The following SHOC1 variants were observed in gnomAD, a reference collection of about 807,000 sequenced individuals.
The protein encoded by SHOC1 is shortage in chiasmata 1, also known as protein shortage in chiasmata 1 ortholog.
SHOC1 carries 136 observed loss-of-function variants against 179.2 expected under a neutral mutation model. The ratio of observed to expected loss-of-function variants is 0.76; its 90% CI spans 0.66 to 0.87. The LOEUF is 0.87. SHOC1 is among the 40% of genes least tolerant of loss of function. The pLI, the probability that SHOC1 is intolerant of heterozygous loss-of-function variation, is 0.00. For missense variants in SHOC1, 1,538 were observed against 1,700.8 expected (o/e 0.90, Z 1.68); for synonymous variants, 489 against 586.6 (o/e 0.83, Z 2.41).
chr9:111,722,312 G>A (rs1337580), intron 15 of SHOC1, 97 bp downstream of exon 15: 1,083,023 of 1,126,706 alleles, frequency 0.96, 520,661 homozygotes, highest in East Asian at 1. Flanking sequence ...ACCATCTATG[G>A]CTAATTTCTG....
In SHOC1 at chr9:111,714,480, T is replaced by C. The variant is rs1371944850; in HGVS notation, c.2380A>G (p.Ile794Val). 6.2e-7 allele frequency: 1 copy of C among 1,613,994 alleles called. No homozygotes were observed. Among genetic ancestry groups the C allele is most frequent in the Admixed American group, 1.7e-5 (1 of 60,012 alleles). Residue 794 changes from isoleucine to valine, a missense_variant, in exon 17 of 28, where the codon ATA (isoleucine) becomes GTA (valine). By Grantham distance (29) the Ile-to-Val change is conservative. Coordinates refer to ENST00000682961, the MANE Select transcript of SHOC1 (RefSeq NM_001378211.1). ...NYKIQELQCQ[I>V]LSWMQSQQQI... ...TGTTGACTTTGCATCCAACTTAGTA[T>C]CTGACATTGCAATTCTTGTATCTTG...
At chr9:111,743,935 TC>T in intron 10 of SHOC1, among the ~76,000 whole-genome samples, 1 of 152,346 alleles carries the variant, frequency 6.6e-6, no homozygotes, top group South Asian at 2.1e-4. Context: ...AAAACTTCTT[TC>T]AGTTGTTTCA....
rs754082467 is a variant in SHOC1 at position 111,691,943 on chromosome 9, G to A, written c.4034C>T (p.Pro1345Leu). The change falls in exon 27 of 28, where the codon CCT becomes CTT. Residue 1345 changes from proline (P) to leucine (L), a missense_variant. Transcript: ENST00000682961. Reference sequence around the variant, plus strand: ...TTGAGTGCCCTCTAGTGAAAAGATAGGGTCCGATACATCTTTATTTATGAA... The same window carrying A: ...TTGAGTGCCCTCTAGTGAAAAGATAAGGTCCGATACATCTTTATTTATGAA... ...KGFINKDVSD[P>L]IFSLEGTQSP... 4.3e-6 allele frequency: 7 copies of A among 1,613,718 alleles called. No homozygotes were observed. The African/African-American group carries it at 6.7e-5, about 15-fold the overall frequency.
intron 12 of SHOC1, among the ~76,000 whole-genome samples, chr9:111,734,226 C>T (rs1016814836): frequency 1.9e-5 from 2 of 106,004 alleles, no homozygotes; most frequent in Admixed American, 1.1e-4. Context: ...TTTCCAACTT[C>T]GGAATTATCA....
At chr9:111,713,778 C>G (rs994687744) in intron 17 of SHOC1, among the ~76,000 whole-genome samples, 5 of 152,086 alleles carry the variant, frequency 3.3e-5, no homozygotes, top group Non-Finnish European at 7.4e-5. Context: ...GTTAAAACTT[C>G]ATTAATGCAA....
At chr9:111,738,235 T>A in intron 12 of SHOC1, 45 bp downstream of exon 12, 3 of 1,515,422 alleles carry the variant, frequency 2.0e-6, no homozygotes, top group Non-Finnish European at 2.7e-6. Context: ...CATTTTCACA[T>A]TCTGAAAATG....
chr9:111,740,965 G>A (rs1422066122), intron 11 of SHOC1, among the ~76,000 whole-genome samples: 3 of 152,108 alleles, frequency 2.0e-5, no homozygotes. Flanking sequence ...TCGGCTCACT[G>A]CAACCTCCGC....
chr9:111,710,466 A>T (rs1393369781), intron 18 of SHOC1, among the ~76,000 whole-genome samples: 1 of 152,154 alleles, frequency 6.6e-6, no homozygotes, highest in Non-Finnish European at 1.5e-5. Flanking sequence ...AGTGTGTACT[A>T]CGTATATAGA....
chr9:111,761,370 TG>T (rs979078930), intron 5 of SHOC1, among the ~76,000 whole-genome samples: 6 of 151,780 alleles, frequency 4.0e-5, no homozygotes, highest in African/African-American at 1.5e-4. Context: ...GGCTTGGTGG[TG>T]GGGACCTGTA....
intron 1 of SHOC1, among the ~76,000 whole-genome samples, chr9:111,793,178 G>A (rs1266361479): frequency 4.6e-5 from 7 of 152,208 alleles, no homozygotes; most frequent in East Asian, 3.9e-4. Flanking sequence ...CACCGCGCCC[G>A]GCCTGTCACT....
chr9:111,687,061 C>T (rs1793125569), intron 27 of SHOC1, among the ~76,000 whole-genome samples, 191 bp from the exon 28 acceptor site: 1 of 151,744 alleles, frequency 6.6e-6, no homozygotes, highest in Non-Finnish European at 1.5e-5. Flanking sequence ...ATTCTCCTGC[C>T]TCAGCCTCCC....
At chr9:111,764,138 C>A (rs1835257035) in intron 5 of SHOC1, among the ~76,000 whole-genome samples, 1 of 152,112 alleles carries the variant, frequency 6.6e-6, no homozygotes, top group Non-Finnish European at 1.5e-5. Context: ...GTGAATGATC[C>A]TTTTGTCCAC....
At position 111,714,501 on chromosome 9, in the gene SHOC1, T is replaced by G; in HGVS notation, c.2359A>C (p.Ile787Leu). The G allele has an allele frequency of 6.2e-7, 1 of 1,614,014 alleles. No homozygotes were observed. The highest frequency in any genetic ancestry group is 8.5e-7 in the Non-Finnish European group (1 of 1,179,944). ...RGKKPETNYKIQELQCQILSW... is the reference protein window; with the variant it reads ...RGKKPETNYKLQELQCQILSW... The stretch of plus-strand genomic sequence containing the variant: ...AGTATCTGACATTGCAATTCTTGTA[T>G]CTTGTAGTTGGTTTCAGGCTTTTTC... The change falls in exon 17 of 28, where the codon ATA becomes CTA. Residue 787 changes from isoleucine to leucine, a missense_variant. Ile to Leu is a conservative substitution (Grantham distance 5). Transcript: ENST00000682961.
chr9:111,720,843 A>G (rs961213587), intron 15 of SHOC1, among the ~76,000 whole-genome samples: 1 of 152,242 alleles, frequency 6.6e-6, no homozygotes, highest in Non-Finnish European at 1.5e-5. Flanking sequence ...TACAGAAAAC[A>G]GTAATAAGAA....
Position 111,697,353 on chromosome 9 carries a change from C to T in SHOC1, c.3183+2601G>A, listed in dbSNP as rs147227774. Among the ~76,000 whole-genome samples, 1,073 of 152,276 alleles carry T rather than the reference C, an allele frequency of 7.0e-3. 47 individuals carry two copies. Among genetic ancestry groups the T allele is most frequent in the Admixed American group, 0.064 (976 of 15,292 alleles). On this transcript the variant is annotated intron_variant, in intron 24 of 27. Transcript: ENST00000682961. The stretch of plus-strand genomic sequence containing the variant: ...CTATCACTCCCACCTCCCGCCACCC[C>T]ACGACAGGCCCCGGTGTGTGATGTT...
chr9:111,688,887 T>C (rs971321031), intron 27 of SHOC1, among the ~76,000 whole-genome samples: 10 of 152,156 alleles, frequency 6.6e-5, no homozygotes, highest in South Asian at 2.1e-4. Flanking sequence ...TGATGAATGA[T>C]AGGTGGTGAT....
At chr9:111,709,239 G>C (rs1241771140) in intron 18 of SHOC1, among the ~76,000 whole-genome samples, 2 of 152,212 alleles carry the variant, frequency 1.3e-5, no homozygotes, top group Admixed American at 6.5e-5. Flanking sequence ...CTACCCGGGA[G>C]GGTAAGGCAG....
intron 22 of SHOC1, among the ~76,000 whole-genome samples, chr9:111,703,625 TA>T (rs888639896): frequency 1.3e-5 from 2 of 152,144 alleles, no homozygotes; most frequent in Admixed American, 1.3e-4. Context: ...TAAATATACT[TA>T]AAATAGGTTA....
Position 111,727,985 on chromosome 9 carries a change from A to G in SHOC1, c.1482T>C (p.Ala494=). 2 of 1,609,344 alleles carry G rather than the reference A, an allele frequency of 1.2e-6. No individual in the cohort carries two copies. Among genetic ancestry groups the G allele is most frequent in the Non-Finnish European group, 1.7e-6 (2 of 1,178,510 alleles). ...GACTCTTTTGTGGAAGTGATAAATG[A>G]GCATTTGTAGATTTTTCATCAATAA... is the stretch of plus-strand genomic sequence containing the variant. The part of the protein sequence containing the change: ...IALIDEKSTN[A]HLSLPQKSPS... The change falls in exon 13 of 28, where the codon GCT becomes GCC. Residue 494 remains alanine, a synonymous_variant. Transcript: ENST00000682961.
Sources: gnomAD v4.1 joint callset for allele counts (sites outside exome capture counted in the v4.1 genomes callset) on GRCh38, gnomAD v4.1.1 for gene constraint, MANE v1.5 for transcripts, NCBI Gene and HGNC (gene_info 2026-07-23, HGNC 2026-07-21) for gene names.